Variants in ME3 observed in about 807,000 individuals in gnomAD.
ME3 encodes NADP-dependent malic enzyme, mitochondrial.
Under a neutral mutation model 68.9 loss-of-function variants are expected in ME3, and 48 were observed. The ratio of observed to expected loss-of-function variants is 0.70; its 90% CI spans 0.55 to 0.89. The LOEUF is 0.89. ME3 is among the 40% of genes least tolerant of loss of function. ME3 has a pLI of 0.00. For synonymous variants in ME3, 320 were observed against 318.8 expected (o/e 1.00, Z -0.04); for missense variants, 675 against 797.4 (o/e 0.85, Z 1.85).
At chr11:86,527,427 T>A (rs1197789910) in intron 4 of ME3, among the ~76,000 whole-genome samples, 3 of 152,302 alleles carry the variant, frequency 2.0e-5, no homozygotes, top group East Asian at 3.9e-4. Context: ...TGGAACCAAG[T>A]TGGAAAATAC....
intron 2 of ME3, among the ~76,000 whole-genome samples, chr11:86,622,010 C>G (rs1340950544): frequency 1.3e-5 from 2 of 151,878 alleles, no homozygotes; most frequent in African/African-American, 2.4e-5. Flanking sequence ...GCCTAGGGCT[C>G]TATGTTAAAT....
At chr11:86,659,593 G>A (rs1290391666) in intron 2 of ME3, among the ~76,000 whole-genome samples, 2 of 152,206 alleles carry the variant, frequency 1.3e-5, no homozygotes, top group African/African-American at 2.4e-5. Context: ...TTCACATTGT[G>A]TATGCAAGTA....
chr11:86,642,573 T>C (rs1944737057), intron 2 of ME3, among the ~76,000 whole-genome samples: 1 of 152,196 alleles, frequency 6.6e-6, no homozygotes, highest in Admixed American at 6.5e-5. Context: ...TGGTGGCCTG[T>C]GCCTTTGGTC....
intron 2 of ME3, among the ~76,000 whole-genome samples, chr11:86,648,574 G>C (rs946050347): frequency 1.3e-5 from 2 of 150,192 alleles, no homozygotes; most frequent in Non-Finnish European, 3.0e-5. Context: ...TAACAAAACA[G>C]ATGTACTGCT....
chr11:86,500,141 C>T (rs868061703), intron 5 of ME3, among the ~76,000 whole-genome samples: 1 of 152,220 alleles, frequency 6.6e-6, no homozygotes, highest in Non-Finnish European at 1.5e-5. Flanking sequence ...TGCCCTCATG[C>T]TGCCTCTGGG....
intron 2 of ME3, among the ~76,000 whole-genome samples, chr11:86,656,708 C>G (rs1210818200): frequency 1.3e-5 from 2 of 152,046 alleles, no homozygotes; most frequent in East Asian, 1.9e-4. Flanking sequence ...TGTAACAAAC[C>G]TGCACGTTGT....
intron 6 of ME3, among the ~76,000 whole-genome samples, chr11:86,492,676 T>C (rs138380439): frequency 6.6e-6 from 1 of 152,356 alleles, no homozygotes; most frequent in East Asian, 1.9e-4. Context: ...CAGAACTTTC[T>C]CCTCTGCTGT....
exon 15 of ME3, chr11:86,441,160 A>G (rs901683513): frequency 1.8e-6 from 2 of 1,090,516 alleles, no homozygotes; most frequent in African/African-American, 1.6e-5. Flanking sequence ...CTCTCACACC[A>G]GAAAGTTTAA....
chr11:86,617,755 A>G (rs1196629613), intron 2 of ME3, among the ~76,000 whole-genome samples: 1 of 152,236 alleles, frequency 6.6e-6, no homozygotes, highest in African/African-American at 2.4e-5. Context: ...GAAAGGAAAA[A>G]TAACCAAAGG....
At chr11:86,473,377 A>T (rs1950889841) in intron 7 of ME3, among the ~76,000 whole-genome samples, 1 of 152,184 alleles carries the variant, frequency 6.6e-6, no homozygotes, top group African/African-American at 2.4e-5. Context: ...CATGGGGTTA[A>T]AGTGAAAATG....
intron 7 of ME3, among the ~76,000 whole-genome samples, chr11:86,476,367 C>T (rs1335443257): frequency 1.3e-5 from 2 of 152,174 alleles, no homozygotes; most frequent in African/African-American, 4.8e-5. Context: ...GAGTTGGAGC[C>T]ATCAAAGGCA....
intron 2 of ME3, among the ~76,000 whole-genome samples, chr11:86,617,059 T>G (rs901563165): frequency 2.2e-5 from 3 of 137,860 alleles, no homozygotes; most frequent in South Asian, 2.5e-4. Context: ...TTTTTTTTTT[T>G]TTTTTTTTTT....
exon 2 of ME3, chr11:86,671,907 G>A: frequency 6.9e-7 from 1 of 1,450,496 alleles, no homozygotes; most frequent in Non-Finnish European, 9.0e-7. Context: ...GCCCGGCCAG[G>A]GAGCCAGCCG....
chr11:86,656,370 C>T (rs1028007479), intron 2 of ME3, among the ~76,000 whole-genome samples: 1 of 151,666 alleles, frequency 6.6e-6, no homozygotes, highest in Admixed American at 6.6e-5. Flanking sequence ...CAATGATAGA[C>T]TGGATTAAGA....
chr11:86,450,172 G>T, intron 9 of ME3, 129 bp downstream of exon 9: 2 of 1,018,440 alleles, frequency 2.0e-6, no homozygotes, highest in Non-Finnish European at 3.0e-6. Context: ...CTAGGCAGCT[G>T]CAATGATCAC....
intron 4 of ME3, among the ~76,000 whole-genome samples, chr11:86,522,572 T>C: frequency 6.6e-6 from 1 of 151,306 alleles, no homozygotes; most frequent in Non-Finnish European, 1.5e-5. Flanking sequence ...GTTATTCCCC[T>C]CCCTGTGTCT....
At position 86,449,874 on chromosome 11, in the gene ME3, CCAGACTGACAGTA is replaced by C; in HGVS notation, c.1131+2_1131+14del. On this transcript the variant is annotated splice_donor_variant and splice_donor_5th_base_variant and intron_variant, in intron 10 of 14. Coordinates refer to ENST00000543262, the Ensembl canonical transcript of ME3. LOFTEE classifies it high-confidence loss of function. ...AAGGTGTCAGGAAACCTCCAGGTCT[CCAGACTGACAGTA>C]CCTTGACAATGAGCCCTTTAGAGTC... 1 of 1,602,402 alleles carries C rather than the reference CCAGACTGACAGTA, an allele frequency of 6.2e-7. No individual in the cohort carries two copies. Among genetic ancestry groups the C allele is most frequent in the African/African-American group, 1.3e-5 (1 of 74,598 alleles).
At chr11:86,607,133 G>A (rs1961783620) in intron 2 of ME3, among the ~76,000 whole-genome samples, 1 of 152,148 alleles carries the variant, frequency 6.6e-6, no homozygotes, top group African/African-American at 2.4e-5. Flanking sequence ...GTGCAGCACT[G>A]CTTCCTGAAA....
chr11:86,592,802 C>T (rs1401187396), intron 2 of ME3, among the ~76,000 whole-genome samples: 2 of 152,136 alleles, frequency 1.3e-5, no homozygotes, highest in Non-Finnish European at 2.9e-5. Flanking sequence ...ATCCCAGGAA[C>T]CCCCAAACTT....
Sources: gnomAD v4.1 joint callset for allele counts (sites outside exome capture counted in the v4.1 genomes callset) on GRCh38, gnomAD v4.1.1 for gene constraint, MANE v1.5 for transcripts, NCBI Gene and HGNC (gene_info 2026-07-23, HGNC 2026-07-21) for gene names.